TAX1BP1: variants seen among roughly 807,000 people sequenced by gnomAD.
The protein encoded by TAX1BP1 is tax1-binding protein 1.
In TAX1BP1, 62 loss-of-function variants were observed where a neutral mutation model predicts 97.7. The observed-to-expected ratio is 0.63, with a 90% CI of 0.52 to 0.78. The LOEUF is 0.78. Ranked by LOEUF, TAX1BP1 falls within the 30% of genes least tolerant of loss-of-function variation. The pLI is 0.00. For missense variants in TAX1BP1, 867 were observed against 916.1 expected, an observed-to-expected ratio of 0.95 and a Z score of 0.69; for synonymous variants, 340 against 304.2, an observed-to-expected ratio of 1.12 and a Z score of -1.23.
At chr7:27,783,287 A>C (rs951341077) in intron 5 of TAX1BP1, among the ~76,000 whole-genome samples, 1 of 152,188 alleles carries the variant, frequency 6.6e-6, no homozygotes, top group Non-Finnish European at 1.5e-5. Flanking sequence ...TTATCTTTTA[A>C]AGTTAATTTT....
intron 5 of TAX1BP1, among the ~76,000 whole-genome samples, chr7:27,784,376 G>A (rs1054794894): frequency 1.3e-5 from 2 of 152,106 alleles, no homozygotes; most frequent in Non-Finnish European, 2.9e-5. Context: ...ATTCCAAGTA[G>A]AAATTCAATT....
intron 7 of TAX1BP1, among the ~76,000 whole-genome samples, chr7:27,786,070 A>G (rs938592423): frequency 6.6e-6 from 1 of 152,100 alleles, no homozygotes; most frequent in Non-Finnish European, 1.5e-5. Flanking sequence ...GAATATCTTC[A>G]GAGATGTCAT....
At position 27,765,825 on chromosome 7, in the gene TAX1BP1, T is replaced by C. The variant is rs376495016; in HGVS notation, c.266-9T>C. 6.3e-7 allele frequency: 1 copy of C among 1,596,522 alleles called. No homozygotes were observed. The highest frequency in any genetic ancestry group is 1.3e-5 in the African/African-American group (1 of 74,104). ...AGTTTAATAATTTTGTTTGTTAACT[T>C]CCTCTTAGGATATTACCTTCCAAAT... is the stretch of plus-strand genomic sequence containing the variant. On this transcript the variant is annotated splice_polypyrimidine_tract_variant and intron_variant, in intron 3 of 16. Transcript: ENST00000396319.
intron 5 of TAX1BP1, among the ~76,000 whole-genome samples, chr7:27,776,670 C>T (rs1789044011): frequency 6.6e-6 from 1 of 151,594 alleles, no homozygotes; most frequent in Non-Finnish European, 1.5e-5. Flanking sequence ...TATCTGTATA[C>T]TTATGGTTTT....
chr7:27,755,291 C>A (rs547721751), intron 2 of TAX1BP1, among the ~76,000 whole-genome samples: 2 of 152,196 alleles, frequency 1.3e-5, no homozygotes, highest in South Asian at 4.2e-4. Context: ...CTTGGGAATC[C>A]TCCTATATCC....
intron 2 of TAX1BP1, among the ~76,000 whole-genome samples, chr7:27,751,938 C>T (rs997563250): frequency 2.0e-5 from 3 of 152,084 alleles, no homozygotes; most frequent in African/African-American, 7.2e-5. Context: ...CAGGCGTGAA[C>T]CACCATGCCC....
intron 12 of TAX1BP1, among the ~76,000 whole-genome samples, chr7:27,797,149 C>T (rs1277350441): frequency 6.6e-6 from 1 of 151,866 alleles, no homozygotes; most frequent in Non-Finnish European, 1.5e-5. Context: ...AGGCGCCTGC[C>T]ACCACACCCA....
chr7:27,753,258 C>T (rs1440192244), intron 2 of TAX1BP1, among the ~76,000 whole-genome samples: 1 of 152,002 alleles, frequency 6.6e-6, no homozygotes, highest in Non-Finnish European at 1.5e-5. Flanking sequence ...AGAGATTGTA[C>T]CACTGCACTC....
chr7:27,764,830 TA>T (rs1261917027), intron 3 of TAX1BP1, among the ~76,000 whole-genome samples: 3 of 151,290 alleles, frequency 2.0e-5, no homozygotes, highest in East Asian at 2.0e-4. Flanking sequence ...TCTAATACCA[TA>T]TTTTTTTTGT....
chr7:27,777,308 C>T (rs1789070108), intron 5 of TAX1BP1, among the ~76,000 whole-genome samples: 1 of 152,030 alleles, frequency 6.6e-6, no homozygotes. Context: ...TACTTGGCAA[C>T]AGTTTGATTT....
intron 13 of TAX1BP1, among the ~76,000 whole-genome samples, chr7:27,809,968 C>T (rs11768570): frequency 0.11 from 16,372 of 151,596 alleles, 937 homozygotes; most frequent in South Asian, 0.12. Flanking sequence ...AGTGCAGTGG[C>T]GCGATCTTGG....
chr7:27,784,179 T>G (rs1389010434), intron 5 of TAX1BP1, among the ~76,000 whole-genome samples: 1 of 152,188 alleles, frequency 6.6e-6, no homozygotes, highest in Non-Finnish European at 1.5e-5. Flanking sequence ...AACGGTGATT[T>G]TTTTAGTTTT....
chr7:27,781,977 A>G (rs1384904508), intron 5 of TAX1BP1, among the ~76,000 whole-genome samples: 1 of 152,078 alleles, frequency 6.6e-6, no homozygotes, highest in South Asian at 2.1e-4. Flanking sequence ...CGGCCTCCCA[A>G]AATGCTGTGA....
In TAX1BP1 at chr7:27,803,694, C is replaced by G. The variant is rs375564530; in HGVS notation, c.1764+3604C>G. 1.2e-4 allele frequency among the ~76,000 whole-genome samples: 19 copies of G among 152,122 alleles called. 2 individuals are homozygous for G. In the South Asian group the frequency reaches 3.9e-3, roughly 32 times the overall value. On this transcript the variant is annotated intron_variant, in intron 13 of 16. Transcript: ENST00000396319. The stretch of plus-strand genomic sequence containing the variant: ...GTGCTCACAGTAGAGAAAAAAAAAG[C>G]CAGTTGCACTGAAGATGTTAAAACA...
intron 13 of TAX1BP1, among the ~76,000 whole-genome samples, chr7:27,802,057 C>T (rs932463637): frequency 6.6e-6 from 1 of 152,252 alleles, no homozygotes; most frequent in African/African-American, 2.4e-5. Context: ...GTTTGGAGTT[C>T]AGAAGTGGAG....
At chr7:27,795,994 C>CTG in intron 11 of TAX1BP1, 122 bp from the exon 12 acceptor site, 1 of 665,920 alleles carries the variant, frequency 1.5e-6, no homozygotes, top group Non-Finnish European at 2.6e-6. Flanking sequence ...ATAGATATTT[C>CTG]TGTCCTTCAG....
At chr7:27,800,671 C>T (rs1290643125) in intron 13 of TAX1BP1, among the ~76,000 whole-genome samples, 1 of 152,086 alleles carries the variant, frequency 6.6e-6, no homozygotes, top group African/African-American at 2.4e-5. Flanking sequence ...GGAGTTTTAA[C>T]ATTTATCACT....
chr7:27,799,099 T>C (rs1475893157), intron 12 of TAX1BP1, among the ~76,000 whole-genome samples: 1 of 152,218 alleles, frequency 6.6e-6, no homozygotes, highest in Non-Finnish European at 1.5e-5. Context: ...GAGATAAAGA[T>C]TTTCTCCTGT....
At chr7:27,784,389 A>T (rs1789386044) in intron 5 of TAX1BP1, among the ~76,000 whole-genome samples, 1 of 152,214 alleles carries the variant, frequency 6.6e-6, no homozygotes, top group Non-Finnish European at 1.5e-5. Flanking sequence ...ATTCAATTCA[A>T]CATTCAATTT....
Sources: gnomAD v4.1 joint callset for allele counts (sites outside exome capture counted in the v4.1 genomes callset) on GRCh38, gnomAD v4.1.1 for gene constraint, MANE v1.5 for transcripts, NCBI Gene and HGNC (gene_info 2026-07-23, HGNC 2026-07-21) for gene names.